ADGRL3: variants seen among roughly 807,000 people sequenced by gnomAD.
The protein encoded by ADGRL3 is calcium-independent alpha-latrotoxin receptor 3.
Under a neutral mutation model 153.5 loss-of-function variants are expected in ADGRL3, and 62 were observed. The ratio of observed to expected loss-of-function variants is 0.40; its 90% CI spans 0.33 to 0.50. The LOEUF (loss-of-function observed/expected upper bound fraction) is 0.50, where lower values mean the gene tolerates loss of function less well. ADGRL3 is among the 20% of genes least tolerant of loss of function. The pLI is 0.47. For missense variants in ADGRL3, 1,641 were observed against 1,859.4 expected, an observed-to-expected ratio of 0.88 and a Z score of 2.16; for synonymous variants, 710 against 672.5, an observed-to-expected ratio of 1.06 and a Z score of -0.86.
chr4:61,867,002 T>A (rs1428053053), intron 9 of ADGRL3, among the ~76,000 whole-genome samples: 2 of 152,108 alleles, frequency 1.3e-5, no homozygotes, highest in Admixed American at 6.6e-5. Flanking sequence ...ATTGACTTTG[T>A]GGGGAGCTTC....
intron 1 of ADGRL3, among the ~76,000 whole-genome samples, chr4:61,379,993 C>A (rs2096648257): frequency 6.6e-6 from 1 of 151,824 alleles, no homozygotes. Context: ...CCACTAATAT[C>A]CATACCAACC....
At chr4:61,409,367 A>ATG (rs1215151011) in intron 2 of ADGRL3, among the ~76,000 whole-genome samples, 2 of 21,874 alleles carry the variant, frequency 9.1e-5, no homozygotes, top group African/African-American at 1.2e-4. Flanking sequence ...TATATTATAT[A>ATG]TATAAGACAT....
In ADGRL3 at chr4:62,006,028, A is replaced by AT. The variant is rs1301027296; in HGVS notation, c.3395+7764dup. On this transcript the variant is annotated intron_variant, in intron 21 of 26. Coordinates refer to ENST00000683033, the MANE Select transcript of ADGRL3 (RefSeq NM_001387552.1). Reference sequence around the variant, plus strand: ...CATATATATATATATATATATATATATATATTTTTTTTTTTTTTTGAGAAA... The same window carrying AT: ...CATATATATATATATATATATATATATTATATTTTTTTTTTTTTTTGAGAAA... Among the ~76,000 whole-genome samples the AT allele has an allele frequency of 1.4e-3, 133 of 95,498 alleles. 1 individual carries two copies. The highest frequency in any genetic ancestry group is 4.8e-3 in the African/African-American group (123 of 25,598). 62.7% of individuals were successfully genotyped at this position (95,498 alleles called of 152,430 possible).
At chr4:61,299,131 T>A (rs1211847018) in intron 1 of ADGRL3, among the ~76,000 whole-genome samples, 3 of 152,164 alleles carry the variant, frequency 2.0e-5, no homozygotes, top group Admixed American at 2.0e-4. Context: ...TCCATCTTTC[T>A]CTCTACATGC....
chr4:61,718,071 C>T (rs78557478), intron 6 of ADGRL3, among the ~76,000 whole-genome samples: 2 of 151,744 alleles, frequency 1.3e-5, no homozygotes, highest in African/African-American at 4.8e-5. Context: ...AAATAAAATA[C>T]AATACAATAA....
In ADGRL3 at chr4:61,979,632, T is replaced by G; in HGVS notation, c.2875T>G (p.Cys959Gly). 2 of 1,613,932 alleles carry G rather than the reference T, an allele frequency of 1.2e-6. No individual in the cohort carries two copies. Among genetic ancestry groups the G allele is most frequent in the Non-Finnish European group, 1.7e-6 (2 of 1,179,866 alleles). Residue 959 changes from cysteine (C) to glycine (G), a missense_variant, in exon 18 of 27, where the codon TGT (cysteine) becomes GGT (glycine). Around this residue, in one of 5 missense-constraint regions of ADGRL3, gnomAD observed 734 missense variants for 797.0 expected, o/e 0.92. Transcript: ENST00000683033. ...GGTTGGAATTTTGCTGTCCCTTGTT[T>G]GTCTCCTGATTTGCATCTTCACATT... ...TWVGILLSLV[C>G]LLICIFTFCF...
chr4:61,436,909 G>A (rs1468677375), intron 2 of ADGRL3, among the ~76,000 whole-genome samples: 2 of 151,610 alleles, frequency 1.3e-5, no homozygotes, highest in African/African-American at 4.8e-5. Context: ...GGGAGTCTAA[G>A]CTGGAGATAA....
At chr4:61,935,875 C>CT (rs1174071395) in intron 14 of ADGRL3, 48 bp from the exon 15 acceptor site, 1 of 1,526,674 alleles carries the variant, frequency 6.6e-7, no homozygotes, top group Non-Finnish European at 8.8e-7. Context: ...ATTATTGTAG[C>CT]TTAGGTATGT....
chr4:61,973,545 AAAAAT>A (rs2099037071), intron 17 of ADGRL3, among the ~76,000 whole-genome samples: 1 of 152,174 alleles, frequency 6.6e-6, no homozygotes, highest in African/African-American at 2.4e-5. Flanking sequence ...TTGTTTGTAT[AAAAAT>A]TTCTTTCTAG....
intron 4 of ADGRL3, among the ~76,000 whole-genome samples, chr4:61,545,505 C>T (rs2148704058): frequency 6.6e-6 from 1 of 152,264 alleles, no homozygotes; most frequent in South Asian, 2.1e-4. Context: ...CTCAGGGAGC[C>T]AGTTCAGCTT....
intron 2 of ADGRL3, among the ~76,000 whole-genome samples, chr4:61,413,081 A>C (rs2152279143): frequency 6.6e-6 from 1 of 152,278 alleles, no homozygotes; most frequent in African/African-American, 2.4e-5. Flanking sequence ...CAGGAAGGTT[A>C]GTTTGTAGCT....
chr4:61,477,550 T>C (rs2098080564), intron 2 of ADGRL3, among the ~76,000 whole-genome samples: 2 of 152,172 alleles, frequency 1.3e-5, no homozygotes, highest in Non-Finnish European at 2.9e-5. Context: ...TAAGCAGAAG[T>C]TGCTTCCCAA....
rs1445936850 is a variant in ADGRL3 at position 61,760,333 on chromosome 4, T to G, written c.1399+26779T>G. 5.3e-5 allele frequency among the ~76,000 whole-genome samples: 8 copies of G among 152,116 alleles called. No individual in the cohort carries two copies. The East Asian group carries it at 1.5e-3, about 29-fold the overall frequency. On this transcript the variant is annotated intron_variant, in intron 8 of 26. Coordinates refer to ENST00000683033, the MANE Select transcript of ADGRL3 (RefSeq NM_001387552.1). ...AGTTCGAGCTTCCCAGCAGCTTTGTTTACCTACTCAAGCCTCGGCAATGGC... is the reference window on the plus strand; with the variant it reads ...AGTTCGAGCTTCCCAGCAGCTTTGTGTACCTACTCAAGCCTCGGCAATGGC...
In ADGRL3 at chr4:61,200,987, T is replaced by G. The variant is rs1404898449; in HGVS notation, c.-1018T>G. ...ACCGGGGAAGGAGTTTGTGTGGCTC[T>G]CGCTCCGGCTGTCCGCGGAGGTTGC... On this transcript the variant is annotated 5_prime_UTR_variant, in exon 1 of 27. Coordinates refer to ENST00000683033, the MANE Select transcript of ADGRL3 (RefSeq NM_001387552.1). Among the ~76,000 whole-genome samples, 1 of 152,110 alleles carries G rather than the reference T, an allele frequency of 6.6e-6. No homozygotes were observed. Among genetic ancestry groups the G allele is most frequent in the Non-Finnish European group, 1.5e-5 (1 of 68,018 alleles).
chr4:61,561,871 C>G (rs139921767), intron 4 of ADGRL3, among the ~76,000 whole-genome samples: 126 of 152,072 alleles, frequency 8.3e-4, no homozygotes, highest in African/African-American at 2.9e-3. Context: ...AACTTCAAGC[C>G]TTAAGCAATC....
intron 4 of ADGRL3, chr4:61,583,596 C>A (rs2098934697): frequency 1.9e-5 from 8 of 430,738 alleles, no homozygotes; most frequent in South Asian, 1.2e-4. Context: ...TTTTCACTAG[C>A]TGTATGTTTG....
At chr4:61,806,909 T>C (rs2097558869) in intron 8 of ADGRL3, among the ~76,000 whole-genome samples, 1 of 152,148 alleles carries the variant, frequency 6.6e-6, no homozygotes, top group African/African-American at 2.4e-5. Context: ...CAATGTCTGC[T>C]TTGTGTTTGT....
intron 25 of ADGRL3, among the ~76,000 whole-genome samples, chr4:62,047,329 A>G (rs1731649874): frequency 6.6e-6 from 1 of 152,074 alleles, no homozygotes; most frequent in Non-Finnish European, 1.5e-5. Context: ...TAATTCATTA[A>G]AAGAGTATTA....
intron 2 of ADGRL3, among the ~76,000 whole-genome samples, chr4:61,388,011 CATG>C (rs1462769307): frequency 6.6e-6 from 1 of 152,144 alleles, no homozygotes; most frequent in Non-Finnish European, 1.5e-5. Flanking sequence ...GTTCTTCTGC[CATG>C]GTTTCAGCGG....
Sources: gnomAD v4.1 joint callset for allele counts (sites outside exome capture counted in the v4.1 genomes callset) on GRCh38, gnomAD v4.1.1 for gene constraint, gnomAD v4.1.1 regional missense constraint, MANE v1.5 for transcripts, NCBI Gene and HGNC (gene_info 2026-07-23, HGNC 2026-07-21) for gene names.